The following P2RX7 variants were observed in gnomAD, a reference collection of about 807,000 sequenced individuals.
The protein encoded by P2RX7 is purinergic receptor P2X 7.
P2RX7 carries 62 observed loss-of-function variants against 71.6 expected under a neutral mutation model. That is an observed-to-expected ratio of 0.87 (90% CI 0.71 to 1.07). The LOEUF (loss-of-function observed/expected upper bound fraction) is 1.07, where lower values mean the gene tolerates loss of function less well. Among genes scored for constraint, P2RX7 ranks in the 50% least tolerant of loss-of-function variants. The pLI, the probability that P2RX7 is intolerant of heterozygous loss-of-function variation, is 0.00. For missense variants in P2RX7, 686 were observed against 748.5 expected (o/e 0.92, Z 0.97); for synonymous variants, 299 against 283.3 (o/e 1.06, Z -0.56).
At chr12:121,163,354 ACACG>A (rs1382255190) in intron 5 of P2RX7, among the ~76,000 whole-genome samples, 140 of 101,772 alleles carry the variant, frequency 1.4e-3, no homozygotes, top group Middle Eastern at 5.4e-3. Flanking sequence ...ACACACACAC[ACACG>A]CACACACACA....
At chr12:121,166,366 A>G (rs529687180) in intron 7 of P2RX7, among the ~76,000 whole-genome samples, 179 bp downstream of exon 7, 33 of 152,300 alleles carry the variant, frequency 2.2e-4, no homozygotes, top group Admixed American at 1.5e-3. Flanking sequence ...ATCCCAAAAC[A>G]ATCCTTATGA....
intron 8 of P2RX7, among the ~76,000 whole-genome samples, chr12:121,168,249 A>G (rs1295978002): frequency 7.1e-6 from 1 of 141,416 alleles, no homozygotes; most frequent in African/African-American, 2.9e-5. Flanking sequence ...AACTGCTACA[A>G]TTCAGGCAGT....
Position 121,184,478 on chromosome 12 carries a change from T to C in P2RX7, c.1464T>C (p.Pro488=). 6.2e-7 allele frequency: 1 copy of C among 1,613,366 alleles called. No individual in the cohort carries two copies. Among genetic ancestry groups the C allele is most frequent in the Non-Finnish European group, 8.5e-7 (1 of 1,179,326 alleles). ...QCGSCLPSQL[P]ESHRCLEELC... The stretch of plus-strand genomic sequence containing the variant: ...GAAGCTGCCTCCCATCTCAACTCCC[T>C]GAGAGCCACAGGTGCCTGGAGGAGC... Residue 488 remains proline, a synonymous_variant, in exon 13 of 13, where the codon CCT becomes CCC. Coordinates refer to ENST00000328963, the MANE Select transcript of P2RX7 (RefSeq NM_002562.6).
chr12:121,159,891 C>G (rs977908927), intron 3 of P2RX7, among the ~76,000 whole-genome samples: 1 of 152,176 alleles, frequency 6.6e-6, no homozygotes, highest in African/African-American at 2.4e-5. Flanking sequence ...CACCTGTCCC[C>G]CATCCCAGCC....
chr12:121,174,744 T>TG (rs1163598543), intron 8 of P2RX7, among the ~76,000 whole-genome samples: 1 of 150,662 alleles, frequency 6.6e-6, no homozygotes, highest in African/African-American at 2.4e-5. Flanking sequence ...TGCTTGAAGT[T>TG]TTTTTTTTTT....
At position 121,162,476 on chromosome 12, in the gene P2RX7, A is replaced by G. The variant is rs762287904; in HGVS notation, c.489A>G (p.Glu163=). The stretch of plus-strand genomic sequence containing the variant: ...ATGAAGGGAACCAGAAGACCTGTGA[A>G]GTCTCTGCCTGGTGCCCCATCGAGG... ...VVYEGNQKTC[E]VSAWCPIEAV... is the part of the protein sequence containing the mutation. Residue 163 remains glutamate, a synonymous_variant, in exon 5 of 13, where the codon GAA becomes GAG. Transcript: ENST00000328963. The G allele has an allele frequency of 1.1e-5, 18 of 1,613,838 alleles. No individual in the cohort carries two copies. In the Middle Eastern group the frequency reaches 4.9e-4, roughly 44 times the overall value.
chr12:121,180,442 GC>G lies in P2RX7; in HGVS notation c.1279del (p.Gln427LysfsTer179), dbSNP rs770428047. 24 of 1,572,840 alleles carry G rather than the reference GC, an allele frequency of 1.5e-5. No individual in the cohort carries two copies. Among genetic ancestry groups the G allele is most frequent in the Non-Finnish European group, 1.7e-5 (20 of 1,157,096 alleles). The part of the protein sequence containing the change: ...LLGRSLQDVK[G>X]QEVPRPAMDF... ...GGGAGAAGTCTGCAAGATGTCAAGG[GC>G]CAAGAAGTCCCAGTAAGTTAAATCA... On this transcript the variant is annotated frameshift_variant, in exon 12 of 13. Transcript: ENST00000328963. LOFTEE classifies it low-confidence loss of function (END_TRUNC).
intron 3 of P2RX7, among the ~76,000 whole-genome samples, chr12:121,158,564 C>T (rs1472214853): frequency 6.6e-6 from 1 of 152,222 alleles, no homozygotes; most frequent in East Asian, 1.9e-4. Context: ...CAACAGCATT[C>T]CTTCTGCTGC....
At chr12:121,175,620 G>A (rs1198560681) in intron 9 of P2RX7, 142 bp downstream of exon 9, 6 of 601,496 alleles carry the variant, frequency 1.0e-5, no homozygotes, top group Non-Finnish European at 1.2e-5. Flanking sequence ...AAAAGAGGAA[G>A]AAGATGTTCT....
chr12:121,163,573 A>AATAG (rs201214067), intron 5 of P2RX7, among the ~76,000 whole-genome samples: 28,542 of 94,104 alleles, frequency 0.3, 3,318 homozygotes, highest in Non-Finnish European at 0.39. Context: ...TAGATAGATA[A>AATAG]ATAGATAATA....
intron 1 of P2RX7, among the ~76,000 whole-genome samples, chr12:121,152,823 C>T (rs1006456275): frequency 6.6e-6 from 1 of 152,162 alleles, no homozygotes; most frequent in Non-Finnish European, 1.5e-5. Flanking sequence ...TGGCTCAAAG[C>T]ATCTCATTGT....
chr12:121,133,080 T>C lies in P2RX7; in HGVS notation c.110T>C (p.Ile37Thr), dbSNP rs1297950217. ...GTIKWFFHVI[I>T]FSYVCFALVS... Reference sequence around the variant, plus strand: ...ATTAAGTGGTTCTTCCACGTGATCATCTTTTCCTACGTTTGGTAAGTGGGA... The same window carrying C: ...ATTAAGTGGTTCTTCCACGTGATCACCTTTTCCTACGTTTGGTAAGTGGGA... Residue 37 changes from isoleucine (I) to threonine (T), a missense_variant, in exon 1 of 13, where the codon ATC becomes ACC. By Grantham distance (89) the Ile-to-Thr change is moderately conservative (BLOSUM62 -1). Transcript: ENST00000328963. The C allele has an allele frequency of 6.2e-7, 1 of 1,614,092 alleles. No homozygotes were observed. Among genetic ancestry groups the C allele is most frequent in the Admixed American group, 1.7e-5 (1 of 60,012 alleles).
In P2RX7 at chr12:121,149,221, C is replaced by A. The variant is rs1876886945; in HGVS notation, c.126-5564C>A. On this transcript the variant is annotated intron_variant, in intron 1 of 12. Transcript: ENST00000328963. This position sits in a 1 kb window ranked among gnomAD's most constrained non-coding sequence, Gnocchi z 4.7. ...CATCTGGTGGGTCCAGAGCAAGCAG[C>A]CTCAGGGTCCCATGGGCCCAACCTC... The A allele has an allele frequency of 3.3e-5, 11 of 331,036 alleles. No homozygotes were observed. The highest frequency in any genetic ancestry group is 2.4e-4 in the South Asian group (10 of 40,894). The allele number at this position is 331,036 out of a possible 1,614,324, so 20.5% of individuals were successfully genotyped here.
intron 8 of P2RX7, among the ~76,000 whole-genome samples, chr12:121,172,644 A>G (rs933527565): frequency 1.3e-5 from 2 of 150,752 alleles, no homozygotes; most frequent in African/African-American, 4.9e-5. Context: ...AAAAACAAAA[A>G]CAAACAACAA....
chr12:121,163,344 A>G (rs1197367451), intron 5 of P2RX7, among the ~76,000 whole-genome samples: 3 of 127,644 alleles, frequency 2.4e-5, no homozygotes, highest in Admixed American at 7.8e-5. Context: ...ACACACACAC[A>G]CACACACACA....
At chr12:121,165,949 T>C in intron 6 of P2RX7, 109 bp from the exon 7 acceptor site, 2 of 1,189,750 alleles carry the variant, frequency 1.7e-6, no homozygotes, top group South Asian at 1.4e-5. Flanking sequence ...CAGTGATCAT[T>C]TGGGGCTTTC....
chr12:121,184,064 CAAA>C (rs34044134), intron 12 of P2RX7, among the ~76,000 whole-genome samples: 14 of 129,192 alleles, frequency 1.1e-4, no homozygotes, highest in Non-Finnish European at 1.5e-4. Flanking sequence ...GACCCTCTCT[CAAA>C]AAAAAAAAAA....
At chr12:121,171,051 G>T (rs775647901) in intron 8 of P2RX7, among the ~76,000 whole-genome samples, 15 of 152,238 alleles carry the variant, frequency 9.9e-5, no homozygotes, top group African/African-American at 3.4e-4. Context: ...CAGAATGCAC[G>T]ACGCGCTTCT....
Position 121,154,929 on chromosome 12 carries a change from C to T in P2RX7, c.270C>T (p.Thr90=), listed in dbSNP as rs200456779. ...AGTTGGTGCACAGTGTCTTTGACAC[C>T]GCAGACTACACCTTCCCTTTGCAGG... ...VKKLVHSVFD[T]ADYTFPLQGN... is the part of the protein sequence containing the mutation. Residue 90 remains threonine (T), a synonymous_variant, in exon 2 of 13, where the codon ACC becomes ACT. Transcript: ENST00000328963. This position sits in a 1 kb window ranked among gnomAD's most constrained non-coding sequence, Gnocchi z 4.2. 42 of 1,613,930 alleles carry T rather than the reference C, an allele frequency of 2.6e-5. No homozygotes were observed. Among genetic ancestry groups the T allele is most frequent in the Non-Finnish European group, 3.3e-5 (39 of 1,179,956 alleles).
Sources: allele counts gnomAD v4.1 joint callset (sites outside exome capture counted in the v4.1 genomes callset), GRCh38; gene constraint gnomAD v4.1.1; non-coding constraint Gnocchi (gnomAD v3.1); transcripts MANE v1.5; gene names NCBI Gene and HGNC (gene_info 2026-07-23, HGNC 2026-07-21).